SMARCD3: variants seen among roughly 807,000 people sequenced by gnomAD.
SMARCD3 encodes SWI/SNF related BAF chromatin remodeling complex subunit D3, also known as SWI/SNF-related matrix-associated actin-dependent regulator of chromatin subfamily D member 3.
A neutral mutation model predicts 58.0 loss-of-function variants in SMARCD3; 14 were observed. The observed-to-expected ratio is 0.24, with a 90% CI of 0.16 to 0.38. The LOEUF is 0.38. SMARCD3 is among the 10% of genes least tolerant of loss of function. SMARCD3 has a pLI of 1.00. For missense variants in SMARCD3, 408 were observed against 636.9 expected (o/e 0.64, Z 3.87); for synonymous variants, 253 against 253.8 (o/e 1.00, Z 0.03).
intron 2 of SMARCD3, among the ~76,000 whole-genome samples, chr7:151,244,664 G>A (rs551363806): frequency 6.6e-6 from 1 of 152,330 alleles, no homozygotes; most frequent in East Asian, 1.9e-4. Flanking sequence ...CTTTACTAAA[G>A]AATTCATCAT....
intron 2 of SMARCD3, among the ~76,000 whole-genome samples, chr7:151,261,288 C>T (rs773640833): frequency 2.8e-4 from 42 of 152,186 alleles, no homozygotes; most frequent in Non-Finnish European, 3.1e-4. Context: ...CAGGAGCATC[C>T]TTGGCCTCTA....
chr7:151,273,484 GC>G (rs1795240651), intron 2 of SMARCD3, among the ~76,000 whole-genome samples: 5 of 152,306 alleles, frequency 3.3e-5, no homozygotes, highest in Admixed American at 3.3e-4. Flanking sequence ...CCATCAGCCT[GC>G]CCCCCGTTCA....
At chr7:151,251,976 T>G (rs1034671997), upstream of SMARCD3, among the ~76,000 whole-genome samples, 1 of 149,348 alleles carries the variant, frequency 6.7e-6, no homozygotes, top group Non-Finnish European at 1.5e-5. Flanking sequence ...GGCCTGGGCA[T>G]GCGCGCCGCG....
intron 2 of SMARCD3, among the ~76,000 whole-genome samples, chr7:151,265,552 C>A (rs897105822): frequency 1.3e-5 from 2 of 152,232 alleles, no homozygotes; most frequent in East Asian, 3.8e-4. Flanking sequence ...GCGGTCATCA[C>A]GAGACCTGCC....
chr7:151,270,621 A>T (rs1210302111), intron 2 of SMARCD3, among the ~76,000 whole-genome samples: 2 of 152,136 alleles, frequency 1.3e-5, no homozygotes, highest in South Asian at 2.1e-4. Flanking sequence ...GGCTTCAAGG[A>T]TGAGTGCAGT....
intron 2 of SMARCD3, chr7:151,254,156 C>G (rs1007320489): frequency 2.6e-5 from 4 of 152,190 alleles, no homozygotes; most frequent in African/African-American, 9.7e-5. Flanking sequence ...TAACAGGCAG[C>G]CAGGGCTGGG....
At chr7:151,277,024 C>G (rs1245324959), upstream of SMARCD3, 1 of 149,604 alleles carries the variant, frequency 6.7e-6, no homozygotes, top group Non-Finnish European at 1.5e-5. Flanking sequence ...GCAGCGCGGC[C>G]GGGAGGCGCC....
intron 2 of SMARCD3, among the ~76,000 whole-genome samples, chr7:151,270,924 A>G (rs1041038544): frequency 2.0e-5 from 3 of 152,200 alleles, no homozygotes; most frequent in Admixed American, 6.5e-5. Context: ...ATAAAATCAA[A>G]TAAAAGGATG....
Position 151,242,161 on chromosome 7 carries a change from A to G in SMARCD3, c.651T>C (p.Tyr217=), listed in dbSNP as rs1415530035. The part of the protein sequence containing the change: ...SLVIELDKDL[Y]GPDNHLVEWH... ...CCTCAACGAGGTGGTTGTCAGGGCC[A>G]TAAAGATCTTTGTCCAGCTCGATGA... The change falls in exon 6 of 13, where the codon TAT becomes TAC. Residue 217 remains tyrosine, a synonymous_variant. Coordinates refer to ENST00000262188, the MANE Select transcript of SMARCD3 (RefSeq NM_001003801.2). The surrounding 1 kb of genome is among the most constrained non-coding windows in gnomAD (Gnocchi z 4.7). 5 of 1,613,808 alleles carry G rather than the reference A, an allele frequency of 3.1e-6. No homozygotes were observed. Among genetic ancestry groups the G allele is most frequent in the East Asian group, 4.5e-5 (2 of 44,898 alleles).
Position 151,239,942 on chromosome 7 carries a change from C to G in SMARCD3, c.1173+170G>C, listed in dbSNP as rs1271875853. Among the ~76,000 whole-genome samples the G allele has an allele frequency of 6.6e-6, 1 of 151,078 alleles. No homozygotes were observed. Among genetic ancestry groups the G allele is most frequent in the Non-Finnish European group, 1.5e-5 (1 of 67,940 alleles). On this transcript the variant is annotated intron_variant, in intron 10 of 12. Coordinates refer to ENST00000262188, the MANE Select transcript of SMARCD3 (RefSeq NM_001003801.2). The surrounding 1 kb of genome is among the most constrained non-coding windows in gnomAD (Gnocchi z 7.0). Reference sequence around the variant, plus strand: ...ACTTGGAATGAGGTTCAGCTCCAAGCAGCATGGACGGGCCATGTGTGTCCC... The same window carrying G: ...ACTTGGAATGAGGTTCAGCTCCAAGGAGCATGGACGGGCCATGTGTGTCCC...
upstream of SMARCD3, among the ~76,000 whole-genome samples, chr7:151,252,553 T>C (rs1027386414): frequency 1.3e-5 from 2 of 152,036 alleles, no homozygotes; most frequent in Non-Finnish European, 2.9e-5. Context: ...TTGGTTTCGG[T>C]GTTCTGGCCA....
chr7:151,276,652 G>A (rs1795354262), intron 1 of SMARCD3: 1 of 83,566 alleles, frequency 1.2e-5, no homozygotes, highest in Admixed American at 1.1e-4. Flanking sequence ...GGGTGGGGGT[G>A]GAGGGAGGTG....
upstream of SMARCD3, among the ~76,000 whole-genome samples, chr7:151,251,910 G>C (rs1803529540): frequency 6.8e-6 from 1 of 146,800 alleles, no homozygotes; most frequent in Admixed American, 6.7e-5. Flanking sequence ...GGGGAGCTGG[G>C]GGGGCTCGGG....
At chr7:151,259,798 C>T (rs1167827367) in intron 2 of SMARCD3, among the ~76,000 whole-genome samples, 16 of 151,752 alleles carry the variant, frequency 1.1e-4, no homozygotes, top group Non-Finnish European at 4.4e-5. Flanking sequence ...TTAGTAGAGA[C>T]GGGGTTTCAC....
chr7:151,245,433 C>G lies in SMARCD3; in HGVS notation c.290+27G>C. 9.4e-7 allele frequency: 1 copy of G among 1,066,354 alleles called. No individual in the cohort carries two copies. The allele number at this position is 1,066,354 out of a possible 1,614,324, so 66.1% of individuals were successfully genotyped here. A position where few individuals can be genotyped will look rare whatever the true frequency, so the allele number is the denominator to read the frequency against. On this transcript the variant is annotated intron_variant, in intron 2 of 12. Transcript: ENST00000262188. The surrounding 1 kb of genome is among the most constrained non-coding windows in gnomAD (Gnocchi z 6.2). ...TCCCCCAGGGCCCGCCCCTGCACGC[C>G]CCCTCCTCGCCGGGCCTCCCACTCA...
chr7:151,253,367 G>A (rs1190863835), upstream of SMARCD3, among the ~76,000 whole-genome samples: 2 of 152,132 alleles, frequency 1.3e-5, no homozygotes, highest in Non-Finnish European at 2.9e-5. Flanking sequence ...ACACCTGGCT[G>A]AGCCCTCACC....
intron 2 of SMARCD3, among the ~76,000 whole-genome samples, chr7:151,259,535 C>T (rs1803834952): frequency 6.6e-6 from 1 of 150,772 alleles, no homozygotes; most frequent in Admixed American, 6.6e-5. Context: ...GAAGAGAGCC[C>T]ACTCCAAGCC....
chr7:151,241,695 AAGGAAGGAGCCC>A lies in SMARCD3; in HGVS notation c.778-54_778-43del. The A allele has an allele frequency of 6.3e-7, 1 of 1,580,642 alleles. No homozygotes were observed. Among genetic ancestry groups the A allele is most frequent in the South Asian group, 1.1e-5 (1 of 88,426 alleles). On this transcript the variant is annotated intron_variant, in intron 7 of 12. Coordinates refer to ENST00000262188, the MANE Select transcript of SMARCD3 (RefSeq NM_001003801.2). This position sits in a 1 kb window ranked among gnomAD's most constrained non-coding sequence, Gnocchi z 5.3. ...GTGAAAGTTAGACCAAAGGGAGAGA[AAGGAAGGAGCCC>A]AGGGCCAGGCCATTCAGGACTAGGG... is the stretch of plus-strand genomic sequence containing the variant.
intron 2 of SMARCD3, among the ~76,000 whole-genome samples, chr7:151,254,070 C>G (rs1188459900): frequency 6.6e-6 from 1 of 152,164 alleles, no homozygotes; most frequent in African/African-American, 2.4e-5. Context: ...GGTTGAGACT[C>G]CAAACAGTAG....
Sources: allele counts gnomAD v4.1 joint callset (sites outside exome capture counted in the v4.1 genomes callset), GRCh38; gene constraint gnomAD v4.1.1; non-coding constraint Gnocchi (gnomAD v3.1); transcripts MANE v1.5; gene names NCBI Gene and HGNC (gene_info 2026-07-23, HGNC 2026-07-21).